SMARCA4: variants seen among roughly 807,000 people sequenced by gnomAD.
SMARCA4 encodes SWI/SNF-related matrix-associated actin-dependent regulator of chromatin subfamily A member 4.
Under a neutral mutation model 193.9 loss-of-function variants are expected in SMARCA4, and 31 were observed. The ratio of observed to expected loss-of-function variants is 0.16; its 90% CI spans 0.12 to 0.22. SMARCA4 has a LOEUF of 0.22. Among genes scored for constraint, SMARCA4 ranks in the 10% least tolerant of loss-of-function variants. The pLI is 1.00. For missense variants in SMARCA4, 1,148 were observed against 2,296.0 expected, an observed-to-expected ratio of 0.50 and a Z score of 10.22; for synonymous variants, 942 against 933.1, an observed-to-expected ratio of 1.01 and a Z score of -0.17.
intron 6 of SMARCA4, among the ~76,000 whole-genome samples, chr19:10,988,417 T>C (rs1241444773): frequency 6.6e-6 from 1 of 152,186 alleles, no homozygotes; most frequent in Non-Finnish European, 1.5e-5. Flanking sequence ...TGAATTCTCT[T>C]TTTATGATTG....
intron 11 of SMARCA4, among the ~76,000 whole-genome samples, chr19:10,999,220 T>C (rs2087388039): frequency 6.6e-6 from 1 of 152,148 alleles, no homozygotes; most frequent in African/African-American, 2.4e-5. Context: ...TTCGTATTAT[T>C]ACAGAAGAAT....
In SMARCA4 at chr19:11,030,721, G is replaced by T. The variant is rs775035849; in HGVS notation, c.3383-9G>T. ...CCCCGCTGACCCTGTTCTCCTCTGT[G>T]CCCGTCAGGAACCACGAAGGCGGAG... On this transcript the variant is annotated splice_polypyrimidine_tract_variant and intron_variant, in intron 24 of 34. Coordinates refer to ENST00000344626, the MANE Select transcript of SMARCA4 (RefSeq NM_003072.5). This position sits in a 1 kb window ranked among gnomAD's most constrained non-coding sequence, Gnocchi z 5.5. The T allele has an allele frequency of 1.9e-6, 3 of 1,610,196 alleles. No individual in the cohort carries two copies. The highest frequency in any genetic ancestry group is 1.3e-5 in the African/African-American group (1 of 74,980).
At chr19:10,976,053 C>T (rs968507321) in intron 1 of SMARCA4, among the ~76,000 whole-genome samples, 1 of 152,204 alleles carries the variant, frequency 6.6e-6, no homozygotes, top group Non-Finnish European at 1.5e-5. Flanking sequence ...TGAATTTCCC[C>T]TGCTAGTGAC....
chr19:10,972,046 C>G (rs1184242399), intron 1 of SMARCA4, among the ~76,000 whole-genome samples: 2 of 151,824 alleles, frequency 1.3e-5, no homozygotes, highest in African/African-American at 4.8e-5. Flanking sequence ...ACCTCCGCCT[C>G]CTGGGTTCAA....
In SMARCA4 at chr19:11,030,687, C is replaced by T. The variant is rs755520089; in HGVS notation, c.3383-43C>T. On this transcript the variant is annotated intron_variant, in intron 24 of 34. Transcript: ENST00000344626. The surrounding 1 kb of genome is among the most constrained non-coding windows in gnomAD (Gnocchi z 5.5). ...GTTCCTTGGTGTCCCCACTCTACCC[C>T]TGAGGTCACCCCGCTGACCCTGTTC... The T allele has an allele frequency of 6.6e-5, 104 of 1,583,458 alleles. No individual in the cohort carries two copies. In the East Asian group the frequency reaches 1.8e-3, roughly 28 times the overall value.
At chr19:11,057,298 AG>A (rs1279699047) in intron 30 of SMARCA4, among the ~76,000 whole-genome samples, 3 of 152,204 alleles carry the variant, frequency 2.0e-5, no homozygotes, top group Non-Finnish European at 4.4e-5. Flanking sequence ...AGCCAGGCTC[AG>A]GTATGGGTAA....
At chr19:11,016,837 C>G (rs532245446) in intron 16 of SMARCA4, among the ~76,000 whole-genome samples, 1 of 152,236 alleles carries the variant, frequency 6.6e-6, no homozygotes, top group Admixed American at 6.5e-5. Context: ...TGAGGACTTT[C>G]TTGCTTTTTG....
At chr19:10,965,362 A>G (rs1294826520) in intron 1 of SMARCA4, 2 of 152,242 alleles carry the variant, frequency 1.3e-5, no homozygotes, top group Non-Finnish European at 2.9e-5. Context: ...AGTGCTTAGA[A>G]TGGTGCCTGG....
At chr19:11,049,583 G>A (rs1253305614) in intron 30 of SMARCA4, among the ~76,000 whole-genome samples, 1 of 151,322 alleles carries the variant, frequency 6.6e-6, no homozygotes, top group Non-Finnish European at 1.5e-5. Context: ...CTCCCTCCCT[G>A]GGTTCTTTAT....
At chr19:11,020,330 T>C (rs1371897963) in intron 18 of SMARCA4, among the ~76,000 whole-genome samples, 2 of 152,250 alleles carry the variant, frequency 1.3e-5, no homozygotes, top group Non-Finnish European at 2.9e-5. Flanking sequence ...GTTCCTCATT[T>C]GAGGAGGGGT....
At position 11,010,372 on chromosome 19, in the gene SMARCA4, C is replaced by T. The variant is rs1415800050; in HGVS notation, c.2124-9C>T. 1.2e-6 allele frequency: 2 copies of T among 1,613,974 alleles called. No individual in the cohort carries two copies. Among genetic ancestry groups the T allele is most frequent in the African/African-American group, 2.7e-5 (2 of 75,058 alleles). On this transcript the variant is annotated splice_polypyrimidine_tract_variant and intron_variant, in intron 14 of 34. Coordinates refer to ENST00000344626, the MANE Select transcript of SMARCA4 (RefSeq NM_003072.5). Reference sequence around the variant, plus strand: ...GTGTCCTTACCCGGCACCTCCATCTCACTCCCAGGAATGCCAAGCAAGATG... The same window carrying T: ...GTGTCCTTACCCGGCACCTCCATCTTACTCCCAGGAATGCCAAGCAAGATG...
chr19:11,057,279 G>A (rs2076598726), intron 30 of SMARCA4, among the ~76,000 whole-genome samples: 2 of 152,224 alleles, frequency 1.3e-5, no homozygotes, highest in South Asian at 4.1e-4. Flanking sequence ...CACCCACCCT[G>A]TCCTGCTGAG....
chr19:11,021,565 T>C, intron 18 of SMARCA4, 160 bp from the exon 19 acceptor site: 1 of 878,774 alleles, frequency 1.1e-6, no homozygotes, highest in Non-Finnish European at 1.8e-6. Flanking sequence ...TCCAACTCGG[T>C]GAGTCAGCCC....
intron 13 of SMARCA4, among the ~76,000 whole-genome samples, chr19:11,004,705 G>A (rs1167917267): frequency 1.3e-5 from 2 of 152,096 alleles, no homozygotes; most frequent in Non-Finnish European, 2.9e-5. Context: ...GAGTTTTTAA[G>A]ACCATTTATA....
intron 13 of SMARCA4, among the ~76,000 whole-genome samples, chr19:11,007,363 G>T (rs1399575068): frequency 1.3e-5 from 2 of 150,902 alleles, no homozygotes; most frequent in Non-Finnish European, 2.9e-5. Flanking sequence ...CTGGGAGCTG[G>T]AGGTTGCACT....
chr19:10,972,621 C>T (rs936487028), intron 1 of SMARCA4, among the ~76,000 whole-genome samples: 1 of 152,146 alleles, frequency 6.6e-6, no homozygotes, highest in Non-Finnish European at 1.5e-5. Flanking sequence ...AGGCCTGTCA[C>T]GAGTGACACT....
intron 11 of SMARCA4, 141 bp from the exon 12 acceptor site, chr19:11,002,888 T>G (rs889851499): frequency 2.5e-6 from 2 of 809,980 alleles, no homozygotes; most frequent in Non-Finnish European, 4.3e-6. Flanking sequence ...GTATACAGTT[T>G]ACGCATTTTC....
intron 11 of SMARCA4, among the ~76,000 whole-genome samples, chr19:11,001,465 A>T (rs556814885): frequency 1.3e-5 from 2 of 152,134 alleles, no homozygotes; most frequent in Non-Finnish European, 2.9e-5. Context: ...ATAAAAAGTA[A>T]ATTAAAAATC....
rs758781256 is a variant in SMARCA4, at chr19:11,008,006, C to T, written c.2106C>T (p.Asp702=). The part of the protein sequence containing the change: ...DPDSDDVSEV[D]ARHIIENAKQ... ...ACAGCGATGACGTCTCTGAGGTGGACGCGCGGCACATCATTGAGTAAGGGG... is the reference window on the plus strand; with the variant it reads ...ACAGCGATGACGTCTCTGAGGTGGATGCGCGGCACATCATTGAGTAAGGGG... The change falls in exon 14 of 35, where the codon GAC becomes GAT. Residue 702 remains aspartate (D), a synonymous_variant. Coordinates refer to ENST00000344626, the MANE Select transcript of SMARCA4 (RefSeq NM_003072.5). 12 of 1,613,312 alleles carry T rather than the reference C, an allele frequency of 7.4e-6. No homozygotes were observed. Among genetic ancestry groups the T allele is most frequent in the Middle Eastern group, 1.6e-4 (1 of 6,062 alleles).
Sources: allele counts gnomAD v4.1 joint callset (sites outside exome capture counted in the v4.1 genomes callset), GRCh38; gene constraint gnomAD v4.1.1; non-coding constraint Gnocchi (gnomAD v3.1); transcripts MANE v1.5; gene names NCBI Gene and HGNC (gene_info 2026-07-23, HGNC 2026-07-21).